Variants in HSPG2 observed in about 807,000 individuals in gnomAD.
The protein encoded by HSPG2 is basement membrane-specific heparan sulfate proteoglycan core protein.
In HSPG2, 278 loss-of-function variants were observed where a neutral mutation model predicts 526.6. The ratio of observed to expected loss-of-function variants is 0.53; its 90% CI spans 0.48 to 0.58. HSPG2 has a LOEUF of 0.58. Ranked by LOEUF, HSPG2 falls within the 20% of genes least tolerant of loss-of-function variation. HSPG2 has a pLI of 0.00. For missense variants in HSPG2, 5,354 were observed against 6,099.5 expected (o/e 0.88, Z 4.07); for synonymous variants, 2,465 against 2,555.4 (o/e 0.96, Z 1.07).
At chr1:21,930,499 T>C (rs185005820) in intron 1 of HSPG2, among the ~76,000 whole-genome samples, 1 of 152,146 alleles carries the variant, frequency 6.6e-6, no homozygotes, top group Admixed American at 6.5e-5. Flanking sequence ...ACAGGGCGGG[T>C]GCAGTGGCTC....
In HSPG2 at chr1:21,867,625, C is replaced by T. The variant is rs897226226; in HGVS notation, c.4222-1816G>A. Among the ~76,000 whole-genome samples, 3 of 152,192 alleles carry T rather than the reference C, an allele frequency of 2.0e-5. No homozygotes were observed. The South Asian group carries it at 6.2e-4, about 31-fold the overall frequency. ...AGAATGCATATCACGCTTGATAACCCTGCAGTACTCCAGCTCCACCCTCGG... is the reference window on the plus strand; with the variant it reads ...AGAATGCATATCACGCTTGATAACCTTGCAGTACTCCAGCTCCACCCTCGG... On this transcript the variant is annotated intron_variant, in intron 33 of 96. Coordinates refer to ENST00000374695, the MANE Select transcript of HSPG2 (RefSeq NM_005529.7).
rs1330069003 is a variant in HSPG2, at chr1:21,893,687, A to C, written c.244+2235T>G. On this transcript the variant is annotated intron_variant, in intron 3 of 96. Coordinates refer to ENST00000374695, the MANE Select transcript of HSPG2 (RefSeq NM_005529.7). The surrounding 1 kb of genome is among the most constrained non-coding windows in gnomAD (Gnocchi z 4.3). ...GCCTGCAGAGTAGAGACAGAGAAGGAGGCAAGAAGGGACATTGACAGCGAG... is the reference window on the plus strand; with the variant it reads ...GCCTGCAGAGTAGAGACAGAGAAGGCGGCAAGAAGGGACATTGACAGCGAG... 6.6e-6 allele frequency among the ~76,000 whole-genome samples: 1 copy of C among 152,084 alleles called. No individual in the cohort carries two copies. Among genetic ancestry groups the C allele is most frequent in the Non-Finnish European group, 1.5e-5 (1 of 68,004 alleles).
intron 81 of HSPG2, 39 bp downstream of exon 81, chr1:21,832,456 G>A: frequency 6.6e-7 from 1 of 1,511,550 alleles, no homozygotes; most frequent in Non-Finnish European, 9.2e-7. Context: ...AAAGCCCTGT[G>A]TCCAGTCCCC....
chr1:21,823,864 G>T, intron 95 of HSPG2, 145 bp from the exon 96 acceptor site: 2 of 766,828 alleles, frequency 2.6e-6, no homozygotes, highest in Non-Finnish European at 4.5e-6. Context: ...CCCGCTGAAC[G>T]AGAGATCGGG....
At chr1:21,855,956 T>A (rs777831989) in intron 44 of HSPG2, 44 bp from the exon 45 acceptor site, 1 of 1,599,000 alleles carries the variant, frequency 6.3e-7, no homozygotes, top group Non-Finnish European at 8.5e-7. Context: ...GTGGGGAGTG[T>A]CGTCTGACTC....
chr1:21,927,867 C>A (rs913358720), intron 1 of HSPG2, among the ~76,000 whole-genome samples: 2 of 152,242 alleles, frequency 1.3e-5, no homozygotes, highest in African/African-American at 4.8e-5. Flanking sequence ...AATCCCCTTA[C>A]ACAGCCATTC....
rs373537199 is a variant in HSPG2 at position 21,859,840 on chromosome 1, T to C, written c.5177A>G (p.His1726Arg). The change falls in exon 41 of 97, where the codon CAT becomes CGT. Residue 1726 changes from histidine (H) to arginine (R), a missense_variant. Transcript: ENST00000374695. The surrounding 1 kb of genome is among the most constrained non-coding windows in gnomAD (Gnocchi z 5.3). The part of the protein sequence containing the change: ...RPVPSGTQQR[H>R]QGSELHFPSV... ...GAGCCTAGGGCCATGGGTACCTTGA[T>C]GTCGCTGCTGGGTGCCGCTGGGCAC... The C allele has an allele frequency of 1.4e-5, 22 of 1,611,296 alleles. No homozygotes were observed. The highest frequency in any genetic ancestry group is 1.9e-5 in the Non-Finnish European group (22 of 1,179,620).
At chr1:21,914,187 C>G (rs924350687) in intron 1 of HSPG2, among the ~76,000 whole-genome samples, 1 of 152,156 alleles carries the variant, frequency 6.6e-6, no homozygotes, top group African/African-American at 2.4e-5. Flanking sequence ...ACCGATGGAC[C>G]ATAAATTAAT....
chr1:21,890,130 C>T lies in HSPG2; in HGVS notation c.425G>A (p.Gly142Asp). 1 of 1,614,076 alleles carries T rather than the reference C, an allele frequency of 6.2e-7. No homozygotes were observed. Among genetic ancestry groups the T allele is most frequent in the Non-Finnish European group, 8.5e-7 (1 of 1,179,970 alleles). ...CACATCCAGCTCCACAAAAACCCAG[C>T]CATCCAGCTCCCTGGGGATGGAGAC... ...VSVVFIKELDGWVFVELDVGS... is the reference protein window; with the variant it reads ...VSVVFIKELDDWVFVELDVGS... The change falls in exon 6 of 97, where the codon GGC (glycine) becomes GAC (aspartate). Residue 142 changes from glycine to aspartate, a missense_variant. Coordinates refer to ENST00000374695, the MANE Select transcript of HSPG2 (RefSeq NM_005529.7). This position sits in a 1 kb window ranked among gnomAD's most constrained non-coding sequence, Gnocchi z 4.1.
intron 1 of HSPG2, among the ~76,000 whole-genome samples, chr1:21,925,158 C>A (rs1644152211): frequency 6.6e-6 from 1 of 152,208 alleles, no homozygotes; most frequent in South Asian, 2.1e-4. Context: ...GAAATGGAGG[C>A]ATAACCCCAG....
chr1:21,875,795 T>A, intron 24 of HSPG2, 48 bp from the exon 25 acceptor site: 1 of 1,607,250 alleles, frequency 6.2e-7, no homozygotes, highest in Non-Finnish European at 8.5e-7. Flanking sequence ...TCCTGGAGTA[T>A]TGAATGCCGG....
Position 21,857,166 on chromosome 1 carries a change from G to C in HSPG2, c.5424C>G (p.Arg1808=). 2.5e-6 allele frequency: 4 copies of C among 1,614,134 alleles called. No individual in the cohort carries two copies. The highest frequency in any genetic ancestry group is 3.4e-6 in the Non-Finnish European group (4 of 1,180,020). ...KSPAYTLVWT[R]LHNGKLPTRA... ...GGGTGGGCAGTTTCCCGTTGTGCAG[G>C]CGGGTCCACACCAGGGTATAGGCTG... is the stretch of plus-strand genomic sequence containing the variant. Residue 1808 remains arginine (R), a synonymous_variant, in exon 44 of 97, where the codon CGC becomes CGG. Coordinates refer to ENST00000374695, the MANE Select transcript of HSPG2 (RefSeq NM_005529.7).
chr1:21,873,532 A>T, intron 29 of HSPG2, 108 bp from the exon 30 acceptor site: 1 of 1,102,596 alleles, frequency 9.1e-7, no homozygotes, highest in African/African-American at 1.5e-5. Flanking sequence ...ACTGGAAGAA[A>T]AGAAGAGCCT....
In HSPG2 at chr1:21,828,721, G is replaced by T; in HGVS notation, c.12237+114C>A. On this transcript the variant is annotated intron_variant, in intron 88 of 96. Transcript: ENST00000374695. This position sits in a 1 kb window ranked among gnomAD's most constrained non-coding sequence, Gnocchi z 6.0. Reference sequence around the variant, plus strand: ...CAGAGGTACAGTGTCCTGGCCCAGGGCCCGTGGGTGGCTGCAGGTGGAGGG... The same window carrying T: ...CAGAGGTACAGTGTCCTGGCCCAGGTCCCGTGGGTGGCTGCAGGTGGAGGG... 2 of 1,443,392 alleles carry T rather than the reference G, an allele frequency of 1.4e-6. No homozygotes were observed. Among genetic ancestry groups the T allele is most frequent in the Non-Finnish European group, 1.9e-6 (2 of 1,058,050 alleles). The allele number at this position is 1,443,392 out of a possible 1,614,324, so 89.4% of individuals were successfully genotyped here.
At chr1:21,927,994 C>T (rs1354953765) in intron 1 of HSPG2, among the ~76,000 whole-genome samples, 1 of 152,238 alleles carries the variant, frequency 6.6e-6, no homozygotes. Flanking sequence ...AGACTTAGTG[C>T]AATCACGGAT....
chr1:21,831,237 G>A lies in HSPG2; in HGVS notation c.11540C>T (p.Thr3847Ile). Reference protein sequence around the residue: ...LTAHGISHCPTCRDRPCQNGG... With the variant: ...LTAHGISHCPICRDRPCQNGG... ...CACCTGGCAGGGCCGGTCCCGACAG[G>A]TGGGGCAGTGGGAGATGCCGTGCGC... Residue 3847 changes from threonine to isoleucine, a missense_variant, in exon 84 of 97, where the codon ACC becomes ATC. Thr to Ile is a moderately conservative substitution (Grantham distance 89). Transcript: ENST00000374695. 1 of 1,614,018 alleles carries A rather than the reference G, an allele frequency of 6.2e-7. No individual in the cohort carries two copies. Among genetic ancestry groups the A allele is most frequent in the Non-Finnish European group, 8.5e-7 (1 of 1,179,948 alleles).
chr1:21,824,468 C>T lies in HSPG2; in HGVS notation c.12744+69G>A. 2 of 1,604,764 alleles carry T rather than the reference C, an allele frequency of 1.2e-6. No individual in the cohort carries two copies. The highest frequency in any genetic ancestry group is 1.7e-6 in the Non-Finnish European group (2 of 1,174,024). ...GCTCTGCTTTCCCCTCCCCCCACCA[C>T]TCCGGCCACCAGGAAGCCAGCTTCC... is the stretch of plus-strand genomic sequence containing the variant. On this transcript the variant is annotated intron_variant, in intron 93 of 96. Coordinates refer to ENST00000374695, the MANE Select transcript of HSPG2 (RefSeq NM_005529.7). This position sits in a 1 kb window ranked among gnomAD's most constrained non-coding sequence, Gnocchi z 5.9.
intron 1 of HSPG2, among the ~76,000 whole-genome samples, chr1:21,907,483 C>T (rs566644943): frequency 6.6e-6 from 1 of 152,216 alleles, no homozygotes; most frequent in African/African-American, 2.4e-5. Context: ...GAGGTGGAAG[C>T]GGGGCACCGT....
In HSPG2 at chr1:21,833,576, G is replaced by A. The variant is rs1008020125; in HGVS notation, c.10869C>T (p.Asn3623=). 2.5e-6 allele frequency: 4 copies of A among 1,614,064 alleles called. No individual in the cohort carries two copies. Among genetic ancestry groups the A allele is most frequent in the Admixed American group, 3.3e-5 (2 of 60,008 alleles). ...GSLPPDSRLE[N]NMLMLPSVRP... ...GGACTGAGGGCAGCATCAGCATGTT[G>A]TTCTCCAGGCGGCTGTCAGGTGGCA... The change falls in exon 79 of 97, where the codon AAC becomes AAT. Residue 3623 remains asparagine (N), a synonymous_variant. Coordinates refer to ENST00000374695, the MANE Select transcript of HSPG2 (RefSeq NM_005529.7).
Sources: allele counts gnomAD v4.1 joint callset (sites outside exome capture counted in the v4.1 genomes callset), GRCh38; gene constraint gnomAD v4.1.1; non-coding constraint Gnocchi (gnomAD v3.1); transcripts MANE v1.5; gene names NCBI Gene and HGNC (gene_info 2026-07-23, HGNC 2026-07-21).